RABL2A: variants seen among roughly 807,000 people sequenced by gnomAD.
The protein encoded by RABL2A is RAB, member of RAS oncogene family like 2A, also known as rab-like protein 2A.
Under a neutral mutation model 30.7 loss-of-function variants are expected in RABL2A, and 17 were observed. The ratio of observed to expected loss-of-function variants is 0.55; its 90% CI spans 0.38 to 0.83. RABL2A has a LOEUF of 0.83. Ranked by LOEUF, RABL2A falls within the 40% of genes least tolerant of loss-of-function variation. The pLI, the probability that RABL2A is intolerant of heterozygous loss-of-function variation, is 0.00. For missense variants in RABL2A, 155 were observed against 272.6 expected (o/e 0.57, Z 3.04); for synonymous variants, 64 against 101.8 (o/e 0.63, Z 2.24).
intron 5 of RABL2A, chr2:113,637,927 G>A: frequency 1.0e-6 from 1 of 985,416 alleles, no homozygotes; most frequent in South Asian, 4.7e-5. Context: ...GCCCCAGTCT[G>A]CTGCACGGGC....
chr2:113,632,641 C>G (rs1438822568), intron 2 of RABL2A, among the ~76,000 whole-genome samples: 10 of 152,096 alleles, frequency 6.6e-5, no homozygotes, highest in African/African-American at 1.9e-4. Context: ...AGGGTAATTG[C>G]ATGTGCAGAA....
chr2:113,638,479 A>G (rs1574080371), intron 5 of RABL2A: 3 of 985,436 alleles, frequency 3.0e-6, no homozygotes, highest in Non-Finnish European at 3.6e-6. Flanking sequence ...TGTGAAGGGC[A>G]TGAAGGCTCA....
At chr2:113,627,881 CTCA>C (rs1193689690) in intron 1 of RABL2A, 1 of 161,552 alleles carries the variant, frequency 6.2e-6, no homozygotes, top group African/African-American at 2.4e-5. Context: ...GGGCAGACCC[CTCA>C]TCATGCTTTC....
At chr2:113,633,114 A>G (rs1304088140) in intron 3 of RABL2A, 170 bp downstream of exon 3, 4 of 923,352 alleles carry the variant, frequency 4.3e-6, no homozygotes, top group Non-Finnish European at 7.0e-6. Context: ...ATTGACCCAC[A>G]TGGCATTGCA....
rs772769962 is a variant in RABL2A, at chr2:113,636,252, C to G, written c.297+1122C>G. Among the ~76,000 whole-genome samples the G allele has an allele frequency of 1.9e-3, 289 of 152,254 alleles. 5 individuals carry two copies. Among genetic ancestry groups the G allele is most frequent in the Admixed American group, 5.2e-4 (8 of 15,294 alleles). On this transcript the variant is annotated intron_variant, in intron 5 of 8. Coordinates refer to ENST00000683472, the MANE Select transcript of RABL2A (RefSeq NM_001306158.2). ...TCTTGGAATAGCATTCAAGGTCTTG[C>G]TTTAACACAAAACCCCAAAACTTGG...
At chr2:113,633,848 T>C (rs1681404179) in intron 3 of RABL2A, 2 of 407,640 alleles carry the variant, frequency 4.9e-6, no homozygotes, top group Non-Finnish European at 8.8e-6. Flanking sequence ...GTATCCACTT[T>C]TGCATTTTCC....
At chr2:113,627,578 C>T (rs1195542764) in intron 1 of RABL2A, among the ~76,000 whole-genome samples, 178 bp downstream of exon 1, 1 of 152,028 alleles carries the variant, frequency 6.6e-6, no homozygotes. Flanking sequence ...TGGTTGGTGG[C>T]CAAAAACATT....
In RABL2A at chr2:113,631,047, G is replaced by A. The variant is rs528992214; in HGVS notation, c.108-1868G>A. 8.8e-3 allele frequency among the ~76,000 whole-genome samples: 1,338 copies of A among 151,968 alleles called. 17 individuals carry two copies. Among genetic ancestry groups the A allele is most frequent in the African/African-American group, 0.03 (1,253 of 41,446 alleles). ...TGAGTAGCTGGGATTACAGGCATGC[G>A]CCACCATGCCTAGCTAATTTTTTTG... On this transcript the variant is annotated intron_variant, in intron 2 of 8. Coordinates refer to ENST00000683472, the MANE Select transcript of RABL2A (RefSeq NM_001306158.2).
Position 113,641,400 on chromosome 2 carries a change from T to C in RABL2A, c.457T>C (p.Ser153Pro), listed in dbSNP as rs921286408. ...QKSFNFAKKF[S>P]LPLYFVSAAD... is the part of the protein sequence containing the mutation. ...AAGCTTCAATTTTGCCAAGAAGTTC[T>C]CCCTGCCCCTGTATTTCGTCTCGGC... The change falls in exon 7 of 9, where the codon TCC becomes CCC. Residue 153 changes from serine to proline, a missense_variant. Ser to Pro is a moderately conservative substitution (Grantham distance 74). Coordinates refer to ENST00000683472, the MANE Select transcript of RABL2A (RefSeq NM_001306158.2). 4 of 1,612,034 alleles carry C rather than the reference T, an allele frequency of 2.5e-6. No individual in the cohort carries two copies. The highest frequency in any genetic ancestry group is 3.4e-6 in the Non-Finnish European group (4 of 1,179,256).
intron 5 of RABL2A, chr2:113,638,017 C>T: frequency 5.1e-6 from 5 of 985,412 alleles, no homozygotes; most frequent in Non-Finnish European, 6.0e-6. Flanking sequence ...CGACCCTCCA[C>T]CTTGAAACCT....
chr2:113,637,547 G>A (rs766551094), intron 5 of RABL2A: 84 of 1,202,468 alleles, frequency 7.0e-5, no homozygotes, highest in Non-Finnish European at 8.6e-5. Context: ...CTGACCCTTT[G>A]CAGATGGTAA....
intron 4 of RABL2A, chr2:113,634,623 G>A (rs577092247): frequency 2.5e-6 from 1 of 403,174 alleles, no homozygotes; most frequent in South Asian, 2.4e-5. Flanking sequence ...CTCCCACATC[G>A]GGCTGCGACC....
Position 113,635,420 on chromosome 2 carries a change from A to C in RABL2A, c.297+290A>C, listed in dbSNP as rs150447259. ...GCAAACATGCCTGAAACAGGGCCAC[A>C]GTCCCTCTGATGGACCTAACCTGTC... On this transcript the variant is annotated intron_variant, in intron 5 of 8. Transcript: ENST00000683472. 8.4e-6 allele frequency: 4 copies of C among 474,168 alleles called. No homozygotes were observed. The Admixed American group carries it at 1.3e-4, about 16-fold the overall frequency. 29.4% of individuals were successfully genotyped at this position (474,168 alleles called of 1,614,324 possible).
intron 1 of RABL2A, among the ~76,000 whole-genome samples, chr2:113,627,656 T>C (rs1437912692): frequency 6.6e-6 from 1 of 152,190 alleles, no homozygotes. Context: ...CCGTAAGCGG[T>C]GGCTCACGCC....
chr2:113,628,825 C>T lies in RABL2A; in HGVS notation c.107+112C>T. The stretch of plus-strand genomic sequence containing the variant: ...TTCTTGGGGCTGGTGAAGGAGCAGT[C>T]TTGGCTGGAGCCCAGATGTTCATGG... On this transcript the variant is annotated intron_variant, in intron 2 of 8. Coordinates refer to ENST00000683472, the MANE Select transcript of RABL2A (RefSeq NM_001306158.2). The T allele has an allele frequency of 2.3e-6, 3 of 1,322,922 alleles. No individual in the cohort carries two copies. The Admixed American group carries it at 6.2e-5, about 27-fold the overall frequency. 81.9% of individuals were successfully genotyped at this position (1,322,922 alleles called of 1,614,324 possible).
In RABL2A at chr2:113,640,890, G is replaced by T. The variant is rs372737799; in HGVS notation, c.298-4G>T. ...AGCTATCTTTCTTCCTCTGCCCTTT[G>T]CAGGTGTTTGATATACAGAGGAAAG... is the stretch of plus-strand genomic sequence containing the variant. On this transcript the variant is annotated splice_polypyrimidine_tract_variant and splice_region_variant and intron_variant, in intron 5 of 8. Transcript: ENST00000683472. The T allele has an allele frequency of 8.7e-6, 14 of 1,613,952 alleles. No homozygotes were observed. In the African/African-American group the frequency reaches 1.2e-4, roughly 14 times the overall value.
At chr2:113,631,173 G>A (rs1262408857) in intron 2 of RABL2A, among the ~76,000 whole-genome samples, 4 of 152,158 alleles carry the variant, frequency 2.6e-5, no homozygotes, top group Admixed American at 1.3e-4. Context: ...GGGATTACAG[G>A]TGTGAGCCAC....
rs139961070 is a variant in RABL2A, at chr2:113,628,857, G to A, written c.107+144G>A. 1.7e-3 allele frequency: 2,584 copies of A among 1,540,204 alleles called. 32 individuals carry two copies. The African/African-American group carries it at 0.031, about 18-fold the overall frequency. The stretch of plus-strand genomic sequence containing the variant: ...GGAGCCCAGATGTTCATGGGGGAAC[G>A]AGGGGAATCACATGACCCGTTGTGT... On this transcript the variant is annotated intron_variant, in intron 2 of 8. Transcript: ENST00000683472.
At chr2:113,630,887 GTGTTTTTT>G (rs1315043413) in intron 2 of RABL2A, among the ~76,000 whole-genome samples, 1 of 151,406 alleles carries the variant, frequency 6.6e-6, no homozygotes, top group African/African-American at 2.4e-5. Context: ...ACAAGACATG[GTGTTTTTT>G]TGTTTTTTTG....
Sources: allele counts gnomAD v4.1 joint callset (sites outside exome capture counted in the v4.1 genomes callset), GRCh38; gene constraint gnomAD v4.1.1; transcripts MANE v1.5; gene names NCBI Gene and HGNC (gene_info 2026-07-23, HGNC 2026-07-21).